RCOR3: variants seen among roughly 807,000 people sequenced by gnomAD.
RCOR3 encodes the protein REST corepressor 3.
Under a neutral mutation model 64.1 loss-of-function variants are expected in RCOR3, and 13 were observed. The observed-to-expected ratio is 0.20, with a 90% confidence interval of 0.13 to 0.32. RCOR3 has a LOEUF of 0.32. Among genes scored for constraint, RCOR3 ranks in the 10% least tolerant of loss-of-function variants. RCOR3 has a pLI of 1.00. For missense variants in RCOR3, 489 were observed against 701.2 expected, an observed-to-expected ratio of 0.70 and a Z score of 3.42; for synonymous variants, 215 against 239.0, an observed-to-expected ratio of 0.90 and a Z score of 0.93.
intron 2 of RCOR3, chr1:211,267,840 T>A (rs1695462340): frequency 2.6e-6 from 1 of 380,558 alleles, no homozygotes; most frequent in Non-Finnish European, 5.2e-6. Flanking sequence ...CCATCCGCCC[T>A]CCTTGGCCTC....
intron 2 of RCOR3, among the ~76,000 whole-genome samples, chr1:211,265,978 G>A (rs1695115130): frequency 6.6e-6 from 1 of 152,082 alleles, no homozygotes; most frequent in Non-Finnish European, 1.5e-5. Flanking sequence ...TTAAGTGAGA[G>A]AAGGGTATTT....
At chr1:211,289,523 T>G (rs1318295782) in intron 8 of RCOR3, 127 bp downstream of exon 8, 2 of 726,000 alleles carry the variant, frequency 2.8e-6, no homozygotes, top group Non-Finnish European at 4.5e-6. Flanking sequence ...GGTTTCATTT[T>G]TTAAAGTTTA....
At chr1:211,267,126 G>A (rs909685009) in intron 2 of RCOR3, among the ~76,000 whole-genome samples, 3 of 152,166 alleles carry the variant, frequency 2.0e-5, no homozygotes, top group African/African-American at 4.8e-5. Flanking sequence ...CATATGCCAC[G>A]TACTTACATT....
At position 211,312,278 on chromosome 1, in the gene RCOR3, C is replaced by G. The variant is rs1387525308; in HGVS notation, c.1076-442C>G. 1 of 434,754 alleles carries G rather than the reference C, an allele frequency of 2.3e-6. No homozygotes were observed. The highest frequency in any genetic ancestry group is 4.7e-6 in the Non-Finnish European group (1 of 210,906). 26.9% of individuals were successfully genotyped at this position (434,754 alleles called of 1,614,324 possible). On this transcript the variant is annotated intron_variant, in intron 10 of 11. Coordinates refer to ENST00000419091, the MANE Select transcript of RCOR3 (RefSeq NM_001136223.3). This position sits in a 1 kb window ranked among gnomAD's most constrained non-coding sequence, Gnocchi z 5.0. Reference sequence around the variant, plus strand: ...AATGGGGGAACCCTAAGGCTACTCACTCAGTCCATTGAGGGGATAAGAGAG... The same window carrying G: ...AATGGGGGAACCCTAAGGCTACTCAGTCAGTCCATTGAGGGGATAAGAGAG...
rs1161290952 is a variant in RCOR3, at chr1:211,289,462, C to G, written c.939+66C>G. ...TTGGCTATCCGCTTTTACCTTTTACCTAGGTTGAGCTCAGTTGTTTGCAGA... is the reference window on the plus strand; with the variant it reads ...TTGGCTATCCGCTTTTACCTTTTACGTAGGTTGAGCTCAGTTGTTTGCAGA... On this transcript the variant is annotated intron_variant, in intron 8 of 11. Coordinates refer to ENST00000419091, the MANE Select transcript of RCOR3 (RefSeq NM_001136223.3). 9 of 1,267,632 alleles carry G rather than the reference C, an allele frequency of 7.1e-6. No homozygotes were observed. Among genetic ancestry groups the G allele is most frequent in the Non-Finnish European group, 8.9e-6 (8 of 899,912 alleles). 78.5% of individuals were successfully genotyped at this position (1,267,632 alleles called of 1,614,324 possible).
chr1:211,288,218 A>T (rs78011712), intron 7 of RCOR3, among the ~76,000 whole-genome samples: 27,474 of 151,724 alleles, frequency 0.18, 2,771 homozygotes, highest in African/African-American at 0.28. Flanking sequence ...CTCAAAAAAA[A>T]AAAAAATTGG....
At chr1:211,291,279 A>G (rs1699213428) in intron 8 of RCOR3, among the ~76,000 whole-genome samples, 1 of 152,236 alleles carries the variant, frequency 6.6e-6, no homozygotes, top group Non-Finnish European at 1.5e-5. Context: ...GTACAGGTTG[A>G]GCATCCCTAA....
At chr1:211,295,844 T>C in intron 9 of RCOR3, 91 bp downstream of exon 9, 2 of 823,342 alleles carry the variant, frequency 2.4e-6, no homozygotes, top group South Asian at 1.6e-5. Flanking sequence ...GTCACATGCA[T>C]CATTAATACT....
chr1:211,296,074 T>C (rs1699835554), intron 9 of RCOR3, among the ~76,000 whole-genome samples: 1 of 152,196 alleles, frequency 6.6e-6, no homozygotes, highest in Admixed American at 6.5e-5. Context: ...TCTACAGCAA[T>C]GTTTGCTGAA....
chr1:211,313,523 C>T lies in RCOR3; in HGVS notation c.1417C>T (p.Pro473Ser). 2 of 1,614,198 alleles carry T rather than the reference C, an allele frequency of 1.2e-6. No homozygotes were observed. The highest frequency in any genetic ancestry group is 1.7e-6 in the Non-Finnish European group (2 of 1,180,034). Residue 473 changes from proline (P) to serine (S), a missense_variant, in exon 12 of 12, where the codon CCA (proline) becomes TCA (serine). By Grantham distance (74) the Pro-to-Ser change is moderately conservative (BLOSUM62 -1). Transcript: ENST00000419091. This position sits in a 1 kb window ranked among gnomAD's most constrained non-coding sequence, Gnocchi z 4.7. ...CCCTATTGCCACTCTGAACCAGCCT[C>T]CACCACTTCTTCGTCCAACACTGCC... ...TAPIATLNQP[P>S]PLLRPTLPAA...
At chr1:211,292,692 G>A (rs1416882608) in intron 8 of RCOR3, among the ~76,000 whole-genome samples, 3 of 152,086 alleles carry the variant, frequency 2.0e-5, no homozygotes, top group Non-Finnish European at 1.5e-5. Context: ...TCCACGTTTT[G>A]TATTTTCTGT....
intron 9 of RCOR3, among the ~76,000 whole-genome samples, chr1:211,298,203 T>A (rs141388385): frequency 2.2e-4 from 34 of 152,312 alleles, no homozygotes; most frequent in African/African-American, 7.9e-4. Flanking sequence ...TAAGACAAAC[T>A]GATCAAAGTT....
At chr1:211,270,212 G>A (rs182100786) in intron 2 of RCOR3, among the ~76,000 whole-genome samples, 202 of 151,596 alleles carry the variant, frequency 1.3e-3, no homozygotes, top group African/African-American at 4.7e-3. Flanking sequence ...ACAGGTGCGC[G>A]CCACCACACC....
At chr1:211,272,479 G>A (rs932635623) in intron 3 of RCOR3, among the ~76,000 whole-genome samples, 1 of 151,824 alleles carries the variant, frequency 6.6e-6, no homozygotes, top group Non-Finnish European at 1.5e-5. Context: ...AAATGAAGGT[G>A]TAGTGCAATG....
intron 2 of RCOR3, among the ~76,000 whole-genome samples, chr1:211,268,329 A>G (rs1214285707): frequency 6.9e-6 from 1 of 145,760 alleles, no homozygotes; most frequent in Non-Finnish European, 1.5e-5. Context: ...GTATCTTAAT[A>G]TTGAAGTTTT....
intron 9 of RCOR3, among the ~76,000 whole-genome samples, chr1:211,300,026 A>T (rs1700211406): frequency 6.9e-6 from 1 of 145,450 alleles, no homozygotes. Context: ...GTTTAATCCT[A>T]TACAGTTTCA....
intron 6 of RCOR3, 35 bp from the exon 7 acceptor site, chr1:211,279,202 AG>A (rs1418261555): frequency 1.9e-5 from 20 of 1,040,882 alleles, no homozygotes; most frequent in African/African-American, 3.6e-5. Context: ...AAAAAAAAAA[AG>A]GGAATTAAGT....
At chr1:211,271,670 A>C (rs1696225201) in intron 3 of RCOR3, 1 of 393,396 alleles carries the variant, frequency 2.5e-6, no homozygotes, top group Non-Finnish European at 5.0e-6. Context: ...AACTTCAAAG[A>C]GCCCACTATC....
At chr1:211,296,538 A>G (rs570267363) in intron 9 of RCOR3, among the ~76,000 whole-genome samples, 2 of 152,168 alleles carry the variant, frequency 1.3e-5, no homozygotes, top group Non-Finnish European at 2.9e-5. Context: ...AAACATCTAC[A>G]GATGAAATTT....
Sources: gnomAD v4.1 joint callset for allele counts (sites outside exome capture counted in the v4.1 genomes callset) on GRCh38, gnomAD v4.1.1 for gene constraint, Gnocchi (gnomAD v3.1) non-coding constraint, MANE v1.5 for transcripts, NCBI Gene and HGNC (gene_info 2026-07-23, HGNC 2026-07-21) for gene names.